The following ITK variants were observed in gnomAD, a reference collection of about 807,000 sequenced individuals.
ITK encodes the protein tyrosine-protein kinase ITK/TSK.
Under a neutral mutation model 87.6 loss-of-function variants are expected in ITK, and 45 were observed. That is an observed-to-expected ratio of 0.51 (90% confidence interval 0.40 to 0.66). The LOEUF (loss-of-function observed/expected upper bound fraction) is 0.66, where lower values mean the gene tolerates loss of function less well. Ranked by LOEUF, ITK falls within the 30% of genes least tolerant of loss-of-function variation. The pLI is 0.00. For missense variants in ITK, 605 were observed against 766.3 expected (o/e 0.79, Z 2.48); for synonymous variants, 303 against 273.6 (o/e 1.11, Z -1.06).
Position 157,180,868 on chromosome 5 carries a change from G to A in ITK, c.-110G>A, listed in dbSNP as rs1753497729. On this transcript the variant is annotated 5_prime_UTR_variant, in exon 1 of 17. Transcript: ENST00000422843. ...GTTGAAGGCAAGTTGCCCTTGAGCA[G>A]CTCTCTGAAGATCAACTGCCTCCAC... 2 of 1,062,806 alleles carry A rather than the reference G, an allele frequency of 1.9e-6. No homozygotes were observed. The highest frequency in any genetic ancestry group is 1.8e-5 in the Admixed American group (1 of 56,116). The allele number at this position is 1,062,806 out of a possible 1,614,324, so 65.8% of individuals were successfully genotyped here.
At chr5:157,215,108 G>T (rs1754272916) in intron 4 of ITK, among the ~76,000 whole-genome samples, 1 of 152,120 alleles carries the variant, frequency 6.6e-6, no homozygotes, top group African/African-American at 2.4e-5. Context: ...ACCATCTGGG[G>T]TACATGGCGT....
chr5:157,185,510 G>A (rs1753624011), intron 1 of ITK, among the ~76,000 whole-genome samples: 1 of 152,032 alleles, frequency 6.6e-6, no homozygotes, highest in South Asian at 2.1e-4. Context: ...AAAGTGCTGG[G>A]ATTACAGATG....
intron 1 of ITK, among the ~76,000 whole-genome samples, chr5:157,184,047 C>T (rs1753594339): frequency 1.3e-5 from 2 of 152,158 alleles, no homozygotes; most frequent in Non-Finnish European, 2.9e-5. Flanking sequence ...CAAGAAGCGC[C>T]TTCATCTTGC....
intron 1 of ITK, among the ~76,000 whole-genome samples, chr5:157,182,285 G>T (rs1156825653): frequency 6.6e-6 from 1 of 152,136 alleles, no homozygotes; most frequent in Non-Finnish European, 1.5e-5. Flanking sequence ...GTAGGTGGTG[G>T]CATGAGTTTG....
At chr5:157,241,491 G>T (rs996954562) in intron 10 of ITK, 155 bp from the exon 11 acceptor site, 4 of 677,356 alleles carry the variant, frequency 5.9e-6, no homozygotes, top group Non-Finnish European at 8.1e-6. Context: ...TTTCAAGGAG[G>T]ATATGATATC....
Position 157,235,368 on chromosome 5 carries a change from T to C in ITK, c.769-2741T>C, listed in dbSNP as rs200159713. ...CCAATGTTGCCTCCTCCCAGAAGTC[T>C]CTCATGCCTTCCCTCGCCCTAGCTA... is the stretch of plus-strand genomic sequence containing the variant. On this transcript the variant is annotated intron_variant, in intron 8 of 16. Coordinates refer to ENST00000422843, the MANE Select transcript of ITK (RefSeq NM_005546.4). 2.6e-4 allele frequency among the ~76,000 whole-genome samples: 39 copies of C among 152,210 alleles called. 1 individual carries two copies. The highest frequency in any genetic ancestry group is 1.3e-4 in the Admixed American group (2 of 15,280).
chr5:157,198,685 C>T (rs1411148428), intron 1 of ITK, among the ~76,000 whole-genome samples: 3 of 152,160 alleles, frequency 2.0e-5, no homozygotes, highest in Non-Finnish European at 4.4e-5. Context: ...GAACTAGGAA[C>T]AGCTCATTGC....
chr5:157,189,820 C>A (rs987402028), intron 1 of ITK, among the ~76,000 whole-genome samples: 5 of 152,144 alleles, frequency 3.3e-5, no homozygotes, highest in Non-Finnish European at 5.9e-5. Context: ...GTTCATGGAC[C>A]AAATAGTAAA....
intron 1 of ITK, among the ~76,000 whole-genome samples, chr5:157,186,782 G>A (rs1264811604): frequency 6.6e-6 from 1 of 152,100 alleles, no homozygotes; most frequent in Non-Finnish European, 1.5e-5. Flanking sequence ...TCTCACCTGG[G>A]ACTGTCAGCA....
chr5:157,255,092 T>C lies in ITK; in HGVS notation c.*2414T>C, dbSNP rs907305462. 3 of 193,856 alleles carry C rather than the reference T, an allele frequency of 1.5e-5. No individual in the cohort carries two copies. Among genetic ancestry groups the C allele is most frequent in the Non-Finnish European group, 3.2e-5 (3 of 92,994 alleles). The allele number at this position is 193,856 out of a possible 1,614,324, so 12.0% of individuals were successfully genotyped here. On this transcript the variant is annotated 3_prime_UTR_variant, in exon 17 of 17. Coordinates refer to ENST00000422843, the MANE Select transcript of ITK (RefSeq NM_005546.4). ...ACTGCTAGTGTTCAAAATAAAAATG[T>C]TACAAATACCTGTTATCCTTTGTAG...
chr5:157,230,518 T>G (rs71591331), intron 7 of ITK, among the ~76,000 whole-genome samples: 2,678 of 152,276 alleles, frequency 0.018, 29 homozygotes, highest in Non-Finnish European at 0.027. Context: ...CTCTCAACCT[T>G]GTTTGTTTTG....
intron 5 of ITK, among the ~76,000 whole-genome samples, chr5:157,219,196 T>C (rs1361012853): frequency 6.7e-6 from 1 of 149,310 alleles, no homozygotes; most frequent in African/African-American, 2.5e-5. Flanking sequence ...CACTGCAACC[T>C]CCGCCTCCCA....
intron 1 of ITK, chr5:157,199,864 A>T (rs1224879700): frequency 2.0e-5 from 3 of 152,174 alleles, no homozygotes; most frequent in African/African-American, 7.2e-5. Context: ...GCTCTATTTC[A>T]TAAAAATATT....
At chr5:157,219,113 CTTT>C (rs397884045) in intron 5 of ITK, among the ~76,000 whole-genome samples, 7 of 136,468 alleles carry the variant, frequency 5.1e-5, no homozygotes, top group Non-Finnish European at 6.3e-5. Context: ...ACTTTTCTTT[CTTT>C]TTTTTTTTTT....
rs763559802 is a variant in ITK, at chr5:157,252,643, C to T, written c.1828C>T (p.Arg610Cys). 7.6e-5 allele frequency: 123 copies of T among 1,613,918 alleles called. No homozygotes were observed. The highest frequency in any genetic ancestry group is 6.7e-4 in the Admixed American group (40 of 60,004). ...TCGGCCAGCCTTCTCCAGACTGCTGCGTCAACTGGCTGAAATTGCAGAATC... is the reference window on the plus strand; with the variant it reads ...TCGGCCAGCCTTCTCCAGACTGCTGTGTCAACTGGCTGAAATTGCAGAATC... ...EDRPAFSRLLRQLAEIAESGL is the reference protein window; with the variant it reads ...EDRPAFSRLLCQLAEIAESGL Residue 610 changes from arginine to cysteine, a missense_variant, in exon 17 of 17, where the codon CGT becomes TGT. By Grantham distance (180) the Arg-to-Cys change is radical. Transcript: ENST00000422843.
In ITK at chr5:157,254,132, G is replaced by T. The variant is rs1042217906; in HGVS notation, c.*1454G>T. On this transcript the variant is annotated 3_prime_UTR_variant, in exon 17 of 17. Coordinates refer to ENST00000422843, the MANE Select transcript of ITK (RefSeq NM_005546.4). ...ACTGGCTTCTACTGAAAATGAAACG[G>T]ATTGCAGAGGGAATAAATACAAAGA... The T allele has an allele frequency of 1.7e-5, 4 of 228,720 alleles. No homozygotes were observed. Among genetic ancestry groups the T allele is most frequent in the Non-Finnish European group, 2.6e-5 (3 of 115,298 alleles). 14.2% of individuals were successfully genotyped at this position (228,720 alleles called of 1,614,324 possible). A position where few individuals can be genotyped will look rare whatever the true frequency, so the allele number is the denominator to read the frequency against.
intron 7 of ITK, among the ~76,000 whole-genome samples, chr5:157,229,650 A>T (rs370678406): frequency 1.3e-5 from 2 of 152,248 alleles, no homozygotes; most frequent in East Asian, 1.9e-4. Context: ...GCAGTGGCCC[A>T]CACCTGTAGT....
chr5:157,206,711 T>C (rs886665554), intron 1 of ITK, among the ~76,000 whole-genome samples: 2 of 152,226 alleles, frequency 1.3e-5, no homozygotes, highest in Non-Finnish European at 2.9e-5. Flanking sequence ...TTTGTATTTC[T>C]GTGGGGTTAG....
chr5:157,244,874 G>A (rs1754990483), intron 13 of ITK: 2 of 278,062 alleles, frequency 7.2e-6, no homozygotes, highest in East Asian at 8.6e-5. Context: ...TCTGGTGGCT[G>A]GGACTCAGGA....
Sources: gnomAD v4.1 joint callset for allele counts (sites outside exome capture counted in the v4.1 genomes callset) on GRCh38, gnomAD v4.1.1 for gene constraint, MANE v1.5 for transcripts, NCBI Gene and HGNC (gene_info 2026-07-23, HGNC 2026-07-21) for gene names.